Variants in CECR2 observed in about 807,000 individuals in gnomAD.
The protein encoded by CECR2 is chromatin remodeling regulator CECR2.
Under a neutral mutation model 154.5 loss-of-function variants are expected in CECR2, and 30 were observed. The ratio of observed to expected loss-of-function variants is 0.19; its 90% CI spans 0.15 to 0.26. The LOEUF (loss-of-function observed/expected upper bound fraction) is 0.26, where lower values mean the gene tolerates loss of function less well. Ranked by LOEUF, CECR2 falls within the 10% of genes least tolerant of loss-of-function variation. The pLI is 1.00. For missense variants in CECR2, 1,743 were observed against 1,829.3 expected, an observed-to-expected ratio of 0.95 and a Z score of 0.86; for synonymous variants, 725 against 683.7, an observed-to-expected ratio of 1.06 and a Z score of -0.94.
chr22:17,486,283 A>G (rs914188772), intron 2 of CECR2, among the ~76,000 whole-genome samples: 1 of 152,272 alleles, frequency 6.6e-6, no homozygotes, highest in Non-Finnish European at 1.5e-5. Context: ...AGCCTGAGAG[A>G]CATCGAGAAT....
rs371695265 is a variant in CECR2, at chr22:17,548,405, G to A, written c.3118G>A (p.Val1040Met). 1.5e-4 allele frequency: 238 copies of A among 1,613,902 alleles called. No individual in the cohort carries two copies. In the African/African-American group the frequency reaches 2.6e-3, roughly 17 times the overall value. Residue 1040 changes from valine (V) to methionine (M), a missense_variant, in exon 17 of 19, where the codon GTG becomes ATG. Around this residue, in one of 4 missense-constraint regions of CECR2, gnomAD observed 1,250 missense variants for 1,192.1 expected, o/e 1.05. Transcript: ENST00000262608. ...CCCCGGCCCAGCCGCCCAAGGGTGC[G>A]TGAGAGACCTCTCCACGGTGGCAGA... ...SYPGPAAQGC[V>M]RDLSTVADRG...
At chr22:17,495,102 G>A (rs571757033) in intron 2 of CECR2, among the ~76,000 whole-genome samples, 1 of 152,262 alleles carries the variant, frequency 6.6e-6, no homozygotes, top group African/African-American at 2.4e-5. Flanking sequence ...CATAGTAGTT[G>A]CCTAATTTTA....
At chr22:17,384,913 G>C (rs1175929286) in intron 1 of CECR2, among the ~76,000 whole-genome samples, 1 of 152,186 alleles carries the variant, frequency 6.6e-6, no homozygotes, top group Admixed American at 6.6e-5. Flanking sequence ...AATGATCTTA[G>C]CTAGATCTTC....
At chr22:17,467,782 CAAAAAAAA>C (rs2055057843) in intron 1 of CECR2, among the ~76,000 whole-genome samples, 2 of 143,860 alleles carry the variant, frequency 1.4e-5, no homozygotes, top group South Asian at 4.3e-4. Flanking sequence ...AACTCAGTCT[CAAAAAAAA>C]GAAAGAAAGA....
intron 1 of CECR2, among the ~76,000 whole-genome samples, chr22:17,413,925 C>T (rs1234142977): frequency 6.7e-6 from 1 of 150,028 alleles, no homozygotes; most frequent in Non-Finnish European, 1.5e-5. Flanking sequence ...GATCCGCCCA[C>T]CTCGGCCTCC....
rs572429253 is a variant in CECR2, at chr22:17,483,072, A to G, written c.221+5390A>G. Among the ~76,000 whole-genome samples, 3 of 152,338 alleles carry G rather than the reference A, an allele frequency of 2.0e-5. No individual in the cohort carries two copies. The South Asian group carries it at 6.2e-4, about 32-fold the overall frequency. ...GAAGAAGGCATTGTTACAGGAGATG[A>G]CAGCACCGTGCATGTTACTGCCTTG... On this transcript the variant is annotated intron_variant, in intron 2 of 18. Coordinates refer to ENST00000262608, the MANE Select transcript of CECR2 (RefSeq NM_001290047.2).
chr22:17,527,963 A>G (rs867943208), intron 9 of CECR2, among the ~76,000 whole-genome samples: 6 of 152,364 alleles, frequency 3.9e-5, no homozygotes, highest in Middle Eastern at 3.4e-3. Context: ...TGGTAGGAAC[A>G]TAAATTAGTC....
At chr22:17,530,771 C>G (rs2056342325) in intron 9 of CECR2, among the ~76,000 whole-genome samples, 1 of 151,974 alleles carries the variant, frequency 6.6e-6, no homozygotes, top group African/African-American at 2.4e-5. Context: ...GCAGTATACA[C>G]TTAGAATGGG....
At chr22:17,434,281 G>A (rs183707617) in intron 1 of CECR2, among the ~76,000 whole-genome samples, 118 of 152,330 alleles carry the variant, frequency 7.7e-4, no homozygotes, top group Admixed American at 2.9e-3. Flanking sequence ...ACGAAGGCGA[G>A]GAAGGATCCA....
intron 1 of CECR2, among the ~76,000 whole-genome samples, chr22:17,409,123 T>TG (rs1233669386): frequency 6.7e-6 from 1 of 149,102 alleles, no homozygotes; most frequent in Non-Finnish European, 1.5e-5. Flanking sequence ...GTTGTTTTCT[T>TG]GTTTTTTTTT....
chr22:17,425,253 C>G (rs2054313272), intron 1 of CECR2, among the ~76,000 whole-genome samples: 1 of 151,916 alleles, frequency 6.6e-6, no homozygotes, highest in African/African-American at 2.4e-5. Context: ...GGAAGAGGAT[C>G]TTAATCTCAT....
intron 1 of CECR2, among the ~76,000 whole-genome samples, chr22:17,397,583 C>T (rs564322857): frequency 9.2e-5 from 14 of 152,248 alleles, no homozygotes; most frequent in South Asian, 4.1e-4. Flanking sequence ...CTGCCATCTC[C>T]GCCTCCCGGG....
rs553475736 is a variant in CECR2, at chr22:17,460,452, C to T, written c.127-17136C>T. ...CACTAACTCCTGACCTCAGGTGATC[C>T]GCCCGTCTCGGCCTCCCAAAGTGCA... is the stretch of plus-strand genomic sequence containing the variant. On this transcript the variant is annotated intron_variant, in intron 1 of 18. Coordinates refer to ENST00000262608, the MANE Select transcript of CECR2 (RefSeq NM_001290047.2). Among the ~76,000 whole-genome samples the T allele has an allele frequency of 3.3e-5, 5 of 152,300 alleles. No individual in the cohort carries two copies. In the East Asian group the frequency reaches 5.8e-4, roughly 18 times the overall value.
intron 1 of CECR2, among the ~76,000 whole-genome samples, chr22:17,388,255 A>G (rs573139274): frequency 1.3e-5 from 2 of 152,254 alleles, no homozygotes; most frequent in South Asian, 4.1e-4. Flanking sequence ...CGCCTGGCCA[A>G]GTTTTCTTCA....
At chr22:17,527,455 C>G (rs995578825) in intron 9 of CECR2, among the ~76,000 whole-genome samples, 30 of 151,484 alleles carry the variant, frequency 2.0e-4, no homozygotes, top group African/African-American at 6.8e-4. Context: ...GAGACCCTGT[C>G]TCAAAAAAAT....
chr22:17,394,199 T>C (rs1319435769), intron 1 of CECR2, among the ~76,000 whole-genome samples: 3 of 114,800 alleles, frequency 2.6e-5, no homozygotes, highest in Non-Finnish European at 5.3e-5. Context: ...TGCCGCTGCT[T>C]TTTTTTTTTT....
intron 6 of CECR2, 51 bp downstream of exon 6, chr22:17,503,182 TA>T: frequency 6.6e-7 from 1 of 1,519,372 alleles, no homozygotes; most frequent in African/African-American, 1.4e-5. Context: ...ATGATTCATT[TA>T]TGCTAGGGTG....
chr22:17,462,814 G>A (rs932878156), intron 1 of CECR2, among the ~76,000 whole-genome samples: 5 of 152,148 alleles, frequency 3.3e-5, no homozygotes, highest in Admixed American at 6.6e-5. Context: ...TCAGAAGGCC[G>A]AGGCAGAGAA....
intron 16 of CECR2, among the ~76,000 whole-genome samples, chr22:17,543,565 C>CT (rs60659527): frequency 0.015 from 2,153 of 143,532 alleles, 30 homozygotes; most frequent in African/African-American, 0.038. Flanking sequence ...CCTCCTGAGA[C>CT]TTTTTTTTTT....
Sources: gnomAD v4.1 joint callset for allele counts (sites outside exome capture counted in the v4.1 genomes callset) on GRCh38, gnomAD v4.1.1 for gene constraint, gnomAD v4.1.1 regional missense constraint, MANE v1.5 for transcripts, NCBI Gene and HGNC (gene_info 2026-07-23, HGNC 2026-07-21) for gene names.